The following SLC5A11 variants were observed in gnomAD, a reference collection of about 807,000 sequenced individuals.
SLC5A11 encodes the protein sodium/myo-inositol cotransporter 2.
Under a neutral mutation model 69.8 loss-of-function variants are expected in SLC5A11, and 48 were observed. The observed-to-expected ratio is 0.69, with a 90% confidence interval of 0.55 to 0.87. SLC5A11 has a LOEUF of 0.87. Ranked by LOEUF, SLC5A11 falls within the 40% of genes least tolerant of loss-of-function variation. The pLI is 0.00. For synonymous variants in SLC5A11, 319 were observed against 342.4 expected (o/e 0.93, Z 0.75); for missense variants, 784 against 866.1 (o/e 0.91, Z 1.19).
chr16:24,886,873 C>G (rs1346388746), intron 8 of SLC5A11, among the ~76,000 whole-genome samples: 2 of 152,026 alleles, frequency 1.3e-5, no homozygotes, highest in Admixed American at 6.6e-5. Flanking sequence ...GAGGTTGAGG[C>G]AGGAGGATCA....
intron 8 of SLC5A11, among the ~76,000 whole-genome samples, chr16:24,888,304 G>T (rs1020438848): frequency 4.6e-5 from 7 of 151,960 alleles, no homozygotes; most frequent in Non-Finnish European, 7.4e-5. Context: ...GGAAGTAAAA[G>T]CTGCAATTAC....
At position 24,863,261 on chromosome 16, in the gene SLC5A11, A is replaced by G. The variant is rs2046716850; in HGVS notation, c.207+589A>G. Among the ~76,000 whole-genome samples, 6 of 151,914 alleles carry G rather than the reference A, an allele frequency of 3.9e-5. No homozygotes were observed. In the South Asian group the frequency reaches 1.0e-3, roughly 26 times the overall value. On this transcript the variant is annotated intron_variant, in intron 3 of 15. Transcript: ENST00000347898. The stretch of plus-strand genomic sequence containing the variant: ...TTCATGCAGCTGCATTTAGTTGGTG[A>G]CTAGGCTAGACAGAAGTCCAAGATG...
intron 4 of SLC5A11, among the ~76,000 whole-genome samples, chr16:24,871,005 G>A (rs946675723): frequency 6.6e-6 from 1 of 151,980 alleles, no homozygotes; most frequent in Non-Finnish European, 1.5e-5. Flanking sequence ...GGGCTCATTT[G>A]GGATATGATT....
chr16:24,885,019 A>G (rs12920496), intron 8 of SLC5A11, among the ~76,000 whole-genome samples: 64,528 of 152,016 alleles, frequency 0.42, 14,102 homozygotes, highest in Non-Finnish European at 0.49. Context: ...TGAAATTACA[A>G]GCGTGAGCCA....
chr16:24,860,295 T>A (rs1567579946), intron 2 of SLC5A11, among the ~76,000 whole-genome samples: 1 of 151,422 alleles, frequency 6.6e-6, no homozygotes. Context: ...TCAAAAAATA[T>A]ATATAAAAAA....
At chr16:24,847,267 A>C (rs1284238944) in intron 1 of SLC5A11, among the ~76,000 whole-genome samples, 57 of 101,602 alleles carry the variant, frequency 5.6e-4, no homozygotes, top group African/African-American at 7.9e-4. Context: ...CCTCCCTCCC[A>C]CCTCTCTGTT....
intron 1 of SLC5A11, 108 bp from the exon 3 acceptor site, chr16:24,858,512 C>T (rs62032815): frequency 0.12 from 103,561 of 875,938 alleles, 7,342 homozygotes; most frequent in Non-Finnish European, 0.14. Context: ...CACCACACAT[C>T]CCTCCACATG....
intron 9 of SLC5A11, among the ~76,000 whole-genome samples, chr16:24,892,034 T>C (rs1315096571): frequency 1.6e-5 from 2 of 121,278 alleles, no homozygotes; most frequent in African/African-American, 3.2e-5. Flanking sequence ...CTGGGCAACA[T>C]AGTGAGACCA....
intron 3 of SLC5A11, among the ~76,000 whole-genome samples, chr16:24,866,287 G>A (rs921923845): frequency 2.0e-5 from 3 of 151,416 alleles, no homozygotes; most frequent in Non-Finnish European, 4.4e-5. Context: ...TTGTCTACAA[G>A]AGATATACTT....
Position 24,891,092 on chromosome 16 carries a change from G to A in SLC5A11, c.870+18G>A, listed in dbSNP as rs1567658914. Reference sequence around the variant, plus strand: ...CGGATCAGGTACAGGACAGTGGCCTGAGCAAGTTTTTCCTTCTCTTTGCTT... The same window carrying A: ...CGGATCAGGTACAGGACAGTGGCCTAAGCAAGTTTTTCCTTCTCTTTGCTT... On this transcript the variant is annotated intron_variant, in intron 9 of 15. Transcript: ENST00000347898. The A allele has an allele frequency of 6.2e-7, 1 of 1,604,144 alleles. No homozygotes were observed.
At chr16:24,907,933 C>A (rs1211974607) in intron 12 of SLC5A11, 30 bp from the exon 14 acceptor site, 1 of 1,548,664 alleles carries the variant, frequency 6.5e-7, no homozygotes, top group Non-Finnish European at 8.9e-7. Flanking sequence ...TCAGATGATG[C>A]TAATTTGTGC....
In SLC5A11 at chr16:24,870,172, C is replaced by T. The variant is rs891850725; in HGVS notation, c.312+167C>T. Among the ~76,000 whole-genome samples, 7 of 151,886 alleles carry T rather than the reference C, an allele frequency of 4.6e-5. 1 individual carries two copies. The highest frequency in any genetic ancestry group is 3.9e-4 in the Admixed American group (6 of 15,240). ...CTTTGGGAGGCCAAGGCAGGTGGAT[C>T]ACCTAAGGTCAGGAGTTCGAGACCA... On this transcript the variant is annotated intron_variant, in intron 4 of 15. Transcript: ENST00000347898.
At chr16:24,903,432 G>GCT (rs2049795993) in intron 10 of SLC5A11, among the ~76,000 whole-genome samples, 1 of 152,044 alleles carries the variant, frequency 6.6e-6, no homozygotes, top group East Asian at 1.9e-4. Context: ...TAGTGCTATA[G>GCT]AACACTACAC....
At chr16:24,852,634 AG>A (rs1319360817) in intron 1 of SLC5A11, among the ~76,000 whole-genome samples, 2 of 152,162 alleles carry the variant, frequency 1.3e-5, no homozygotes, top group African/African-American at 2.4e-5. Flanking sequence ...CAAGGGACAA[AG>A]GGTGCCCGGG....
At chr16:24,855,788 G>T (rs1380684440) in intron 1 of SLC5A11, among the ~76,000 whole-genome samples, 1 of 152,122 alleles carries the variant, frequency 6.6e-6, no homozygotes, top group Non-Finnish European at 1.5e-5. Flanking sequence ...TGAGGAACGG[G>T]CCCTCACCAG....
chr16:24,905,445 AAAAAAT>A (rs1198526978), intron 10 of SLC5A11, among the ~76,000 whole-genome samples: 1 of 151,518 alleles, frequency 6.6e-6, no homozygotes, highest in African/African-American at 2.4e-5. Context: ...CCATCTCAAG[AAAAAAT>A]AAAAATAAAA....
At chr16:24,881,650 T>G (rs761112106) in intron 7 of SLC5A11, among the ~76,000 whole-genome samples, 1 of 152,156 alleles carries the variant, frequency 6.6e-6, no homozygotes, top group Non-Finnish European at 1.5e-5. Flanking sequence ...CAACCAAGTT[T>G]AAATAACACC....
In SLC5A11 at chr16:24,857,723, T is replaced by C. The variant is rs142017628; in HGVS notation, c.-24-897T>C. ...GGGGCCCACCCAGTTAATCCAGGCATCTCCCTATTTTCAGGTTAGCTGCAG... is the reference window on the plus strand; with the variant it reads ...GGGGCCCACCCAGTTAATCCAGGCACCTCCCTATTTTCAGGTTAGCTGCAG... On this transcript the variant is annotated intron_variant, in intron 1 of 15. Coordinates refer to ENST00000347898, the Ensembl canonical transcript of SLC5A11. 4.9e-3 allele frequency among the ~76,000 whole-genome samples: 745 copies of C among 152,360 alleles called. 8 individuals carry two copies. Among genetic ancestry groups the C allele is most frequent in the African/African-American group, 0.017 (705 of 41,586 alleles).
chr16:24,882,447 T>C (rs2667755), intron 7 of SLC5A11, among the ~76,000 whole-genome samples: 68,690 of 151,866 alleles, frequency 0.45, 16,505 homozygotes, highest in African/African-American at 0.62. Context: ...GGAGGGATCC[T>C]GGAGAGCACC....
Sources: allele counts gnomAD v4.1 joint callset (sites outside exome capture counted in the v4.1 genomes callset), GRCh38; gene constraint gnomAD v4.1.1; transcripts MANE v1.5; gene names NCBI Gene and HGNC (gene_info 2026-07-23, HGNC 2026-07-21).